Variants in SPTB observed in about 807,000 individuals in gnomAD.
SPTB encodes spectrin beta chain, erythrocytic.
In SPTB, 45 loss-of-function variants were observed where a neutral mutation model predicts 256.2. That is an observed-to-expected ratio of 0.18 (90% CI 0.14 to 0.23). SPTB has a LOEUF of 0.23. Ranked by LOEUF, SPTB falls within the 10% of genes least tolerant of loss-of-function variation. The pLI is 1.00. For synonymous variants in SPTB, 1,231 were observed against 1,243.1 expected, an observed-to-expected ratio of 0.99 and a Z score of 0.21; for missense variants, 2,715 against 3,040.4, an observed-to-expected ratio of 0.89 and a Z score of 2.52.
In SPTB at chr14:64,824,187, GT is replaced by G. The variant is rs1438374876; in HGVS notation, c.-51-1043del. ...GTGATGTGTGTCATGGCTGGCTTAG[GT>G]GGGGACTCGGCGGGGACTGGTATCA... On this transcript the variant is annotated intron_variant, in intron 1 of 35. Transcript: ENST00000644917. The surrounding 1 kb of genome is among the most constrained non-coding windows in gnomAD (Gnocchi z 5.7). Among the ~76,000 whole-genome samples, 5 of 152,176 alleles carry G rather than the reference GT, an allele frequency of 3.3e-5. No individual in the cohort carries two copies. Among genetic ancestry groups the G allele is most frequent in the African/African-American group, 1.2e-4 (5 of 41,428 alleles).
At position 64,827,661 on chromosome 14, in the gene SPTB, AAC is replaced by A. The variant is rs2083395026; in HGVS notation, c.-51-4518_-51-4517del. ...CTTAAAGAATAGTCAAATACACAAA[AAC>A]ACATGTGCACACACTCACTAGAATG... On this transcript the variant is annotated intron_variant, in intron 1 of 35. Coordinates refer to ENST00000644917, the MANE Select transcript of SPTB (RefSeq NM_001355436.2). The surrounding 1 kb of genome is among the most constrained non-coding windows in gnomAD (Gnocchi z 4.6). Among the ~76,000 whole-genome samples the A allele has an allele frequency of 6.6e-6, 1 of 152,178 alleles. No homozygotes were observed.
At chr14:64,776,011 G>GA (rs1204280710) in intron 22 of SPTB, among the ~76,000 whole-genome samples, 11 of 152,138 alleles carry the variant, frequency 7.2e-5, no homozygotes, top group Non-Finnish European at 1.6e-4. Context: ...CTTTGGTCAT[G>GA]AACACAGCCT....
At position 64,793,831 on chromosome 14, in the gene SPTB, C is replaced by T. The variant is rs148927610; in HGVS notation, c.1832G>A (p.Arg611His). ...AAAGCACTGCTCCAAGTGGCTGATGCGGTCCTGGATGACCTGGGGGTCACA... is the reference window on the plus strand; with the variant it reads ...AAAGCACTGCTCCAAGTGGCTGATGTGGTCCTGGATGACCTGGGGGTCACA... ...QPCDPQVIQDRISHLEQCFEE... is the reference protein window; with the variant it reads ...QPCDPQVIQDHISHLEQCFEE... The change falls in exon 14 of 36, where the codon CGC (arginine) becomes CAC (histidine). Residue 611 changes from arginine to histidine, a missense_variant. Coordinates refer to ENST00000644917, the MANE Select transcript of SPTB (RefSeq NM_001355436.2). The surrounding 1 kb of genome is among the most constrained non-coding windows in gnomAD (Gnocchi z 7.0). The T allele has an allele frequency of 7.7e-5, 124 of 1,610,166 alleles. 2 individuals are homozygous for T. The highest frequency in any genetic ancestry group is 6.3e-4 in the Admixed American group (38 of 60,008).
At position 64,764,813 on chromosome 14, in the gene SPTB, C is replaced by T. The variant is rs912016899; in HGVS notation, c.6345+1913G>A. 7.9e-5 allele frequency among the ~76,000 whole-genome samples: 12 copies of T among 152,140 alleles called. No individual in the cohort carries two copies. Among genetic ancestry groups the T allele is most frequent in the South Asian group, 4.1e-4 (2 of 4,828 alleles). On this transcript the variant is annotated intron_variant, in intron 32 of 35. Coordinates refer to ENST00000644917, the MANE Select transcript of SPTB (RefSeq NM_001355436.2). This position sits in a 1 kb window ranked among gnomAD's most constrained non-coding sequence, Gnocchi z 4.2. ...GGCCCCCCAGAGTTCGCTCTCCTTC[C>T]GGCAGGGGCTGTTGCTGGGAAAAAG...
chr14:64,791,632 G>C, intron 15 of SPTB, 87 bp downstream of exon 15: 1 of 1,383,670 alleles, frequency 7.2e-7, no homozygotes, highest in Non-Finnish European at 1.0e-6. Context: ...GTGCATACTA[G>C]GTGGACTAAA....
chr14:64,751,015 ATTATG>A (rs1424846385), intron 33 of SPTB, among the ~76,000 whole-genome samples: 1 of 145,662 alleles, frequency 6.9e-6, no homozygotes, highest in Non-Finnish European at 1.5e-5. Flanking sequence ...TATATTATAC[ATTATG>A]TTATATATTA....
At chr14:64,849,161 G>A (rs2083739632) in intron 1 of SPTB, among the ~76,000 whole-genome samples, 1 of 152,162 alleles carries the variant, frequency 6.6e-6, no homozygotes, top group Admixed American at 6.5e-5. Context: ...ATAATAACAT[G>A]TTTGATTATG....
At position 64,766,748 on chromosome 14, in the gene SPTB, G is replaced by A. The variant is rs369676353; in HGVS notation, c.6323C>T (p.Ala2108Val). ...TAGEAPVSHH[A>V]ATERTSPGEE... ...GACCGGGGACGTTCTCTCGGTGGCC[G>A]CATGGTGGGAAACTGGAGCCTCCCC... The change falls in exon 32 of 36, where the codon GCG becomes GTG. Residue 2108 changes from alanine to valine, a missense_variant. This residue lies in a region of SPTB where 2,239 missense variants were observed against 2,384.4 expected (regional missense o/e 0.94). Transcript: ENST00000644917. The A allele has an allele frequency of 6.9e-5, 112 of 1,612,532 alleles. No homozygotes were observed. The highest frequency in any genetic ancestry group is 9.2e-5 in the Non-Finnish European group (109 of 1,179,770).
intron 6 of SPTB, among the ~76,000 whole-genome samples, 172 bp downstream of exon 6, chr14:64,801,582 C>T (rs548885902): frequency 2.0e-5 from 3 of 151,894 alleles, no homozygotes; most frequent in East Asian, 1.9e-4. Flanking sequence ...GGGAAGTGGG[C>T]GGCAGGCATG....
chr14:64,823,256 C>T lies in SPTB; in HGVS notation c.-51-111G>A, dbSNP rs1440194187. On this transcript the variant is annotated intron_variant, in intron 1 of 35. Transcript: ENST00000644917. This position sits in a 1 kb window ranked among gnomAD's most constrained non-coding sequence, Gnocchi z 6.5. Reference sequence around the variant, plus strand: ...TGAGTAGATCCTGACAGAAGCAGAACGCCATGTCATCTGCCTGGGCGTGCT... The same window carrying T: ...TGAGTAGATCCTGACAGAAGCAGAATGCCATGTCATCTGCCTGGGCGTGCT... 6.0e-6 allele frequency: 5 copies of T among 833,858 alleles called. No individual in the cohort carries two copies. Among genetic ancestry groups the T allele is most frequent in the East Asian group, 2.7e-5 (1 of 37,544 alleles). The allele number at this position is 833,858 out of a possible 1,614,324, so 51.7% of individuals were successfully genotyped here.
At position 64,793,828 on chromosome 14, in the gene SPTB, A is replaced by T; in HGVS notation, c.1835T>A (p.Ile612Asn). ...PCDPQVIQDR[I>N]SHLEQCFEEL... ...CTCAAAGCACTGCTCCAAGTGGCTGATGCGGTCCTGGATGACCTGGGGGTC... is the reference window on the plus strand; with the variant it reads ...CTCAAAGCACTGCTCCAAGTGGCTGTTGCGGTCCTGGATGACCTGGGGGTC... Residue 612 changes from isoleucine (I) to asparagine (N), a missense_variant, in exon 14 of 36, where the codon ATC (isoleucine) becomes AAC (asparagine). Transcript: ENST00000644917. This position sits in a 1 kb window ranked among gnomAD's most constrained non-coding sequence, Gnocchi z 7.0. The T allele has an allele frequency of 6.2e-7, 1 of 1,609,050 alleles. No individual in the cohort carries two copies. The highest frequency in any genetic ancestry group is 8.5e-7 in the Non-Finnish European group (1 of 1,179,242).
At chr14:64,815,053 G>T (rs1165074780) in intron 2 of SPTB, among the ~76,000 whole-genome samples, 1 of 146,484 alleles carries the variant, frequency 6.8e-6, no homozygotes. Context: ...TTTTGGGAGT[G>T]GGGGTGAGAA....
intron 33 of SPTB, 134 bp from the exon 34 acceptor site, chr14:64,750,288 AATC>A: frequency 2.3e-6 from 2 of 883,150 alleles, no homozygotes; most frequent in Admixed American, 3.4e-5. Context: ...ATTGTTAAAA[AATC>A]ATCTGCATGT....
At chr14:64,771,525 A>G (rs1359064540) in intron 26 of SPTB, among the ~76,000 whole-genome samples, 6 of 152,168 alleles carry the variant, frequency 3.9e-5, no homozygotes, top group African/African-American at 1.4e-4. Context: ...ACGAGGCACA[A>G]GGAAGCTAAG....
In SPTB at chr14:64,771,735, C is replaced by G. The variant is rs73273600; in HGVS notation, c.5554-606G>C. Among the ~76,000 whole-genome samples, 1,163 of 152,278 alleles carry G rather than the reference C, an allele frequency of 7.6e-3. 17 individuals carry two copies. Among genetic ancestry groups the G allele is most frequent in the African/African-American group, 0.027 (1,111 of 41,548 alleles). On this transcript the variant is annotated intron_variant, in intron 26 of 35. Coordinates refer to ENST00000644917, the MANE Select transcript of SPTB (RefSeq NM_001355436.2). The stretch of plus-strand genomic sequence containing the variant: ...GTGGGGCTACACCTATCTCAGGGGC[C>G]CTGGCATCCCCAAATGCAACAGCCA...
chr14:64,788,503 G>A (rs2082613984), intron 15 of SPTB, among the ~76,000 whole-genome samples: 1 of 152,296 alleles, frequency 6.6e-6, no homozygotes, highest in Non-Finnish European at 1.5e-5. Context: ...TGAAGACCCC[G>A]TGCTCTGGGA....
chr14:64,793,163 C>T lies in SPTB; in HGVS notation c.2500G>A (p.Val834Met), dbSNP rs2082704556. 1 of 1,614,004 alleles carries T rather than the reference C, an allele frequency of 6.2e-7. No individual in the cohort carries two copies. Among genetic ancestry groups the T allele is most frequent in the Non-Finnish European group, 8.5e-7 (1 of 1,180,040 alleles). The change falls in exon 14 of 36, where the codon GTG (valine) becomes ATG (methionine). Residue 834 changes from valine to methionine, a missense_variant. Around this residue, in one of 4 missense-constraint regions of SPTB, gnomAD observed 2,239 missense variants for 2,384.4 expected, o/e 0.94. Coordinates refer to ENST00000644917, the MANE Select transcript of SPTB (RefSeq NM_001355436.2). The surrounding 1 kb of genome is among the most constrained non-coding windows in gnomAD (Gnocchi z 7.0). ...QALRELYQQV[V>M]AQADLRQQRL... ...TGCTGACGCAGGTCCGCCTGGGCCA[C>T]CACCTGTTGGTAGAGCTCCCGCAGG...
chr14:64,812,023 G>C (rs568077547), intron 2 of SPTB, among the ~76,000 whole-genome samples: 1 of 151,938 alleles, frequency 6.6e-6, no homozygotes, highest in Non-Finnish European at 1.5e-5. Flanking sequence ...AAAAATCATT[G>C]CATTTTTAAA....
rs111702534 is a variant in SPTB at position 64,777,952 on chromosome 14, C to T, written c.4563+1205G>A. Among the ~76,000 whole-genome samples, 78 of 152,270 alleles carry T rather than the reference C, an allele frequency of 5.1e-4. 1 individual carries two copies. Among genetic ancestry groups the T allele is most frequent in the African/African-American group, 1.7e-3 (72 of 41,556 alleles). On this transcript the variant is annotated intron_variant, in intron 22 of 35. Coordinates refer to ENST00000644917, the MANE Select transcript of SPTB (RefSeq NM_001355436.2). This position sits in a 1 kb window ranked among gnomAD's most constrained non-coding sequence, Gnocchi z 4.5. Reference sequence around the variant, plus strand: ...AAAAACCTTTGAACAATAACACTTACAGAGGCTGCATAGAATCAAAAATCC... The same window carrying T: ...AAAAACCTTTGAACAATAACACTTATAGAGGCTGCATAGAATCAAAAATCC...
Sources: allele counts gnomAD v4.1 joint callset (sites outside exome capture counted in the v4.1 genomes callset), GRCh38; gene constraint gnomAD v4.1.1; regional missense constraint gnomAD v4.1.1; non-coding constraint Gnocchi (gnomAD v3.1); transcripts MANE v1.5; gene names NCBI Gene and HGNC (gene_info 2026-07-23, HGNC 2026-07-21).